The following PRKG1 variants were observed in gnomAD, a reference collection of about 807,000 sequenced individuals.
PRKG1 encodes the protein cGMP-dependent protein kinase 1.
Under a neutral mutation model 88.1 loss-of-function variants are expected in PRKG1, and 35 were observed. That is an observed-to-expected ratio of 0.40 (90% CI 0.30 to 0.53). The LOEUF (loss-of-function observed/expected upper bound fraction) is 0.53. Ranked by LOEUF, PRKG1 falls within the 20% of genes least tolerant of loss-of-function variation. PRKG1 has a pLI of 0.59. For synonymous variants in PRKG1, 303 were observed against 292.5 expected (o/e 1.04, Z -0.37); for missense variants, 540 against 839.8 (o/e 0.64, Z 4.41).
intron 3 of PRKG1, among the ~76,000 whole-genome samples, chr10:51,579,565 C>G (rs1337091580): frequency 6.6e-6 from 1 of 151,896 alleles, no homozygotes; most frequent in Non-Finnish European, 1.5e-5. Context: ...TTAATTATAC[C>G]ATATTTACCA....
At chr10:51,207,181 T>C (rs1214139961) in intron 2 of PRKG1, among the ~76,000 whole-genome samples, 1 of 152,204 alleles carries the variant, frequency 6.6e-6, no homozygotes, top group Non-Finnish European at 1.5e-5. Context: ...GGGATTATGT[T>C]CTACATCATT....
intron 2 of PRKG1, among the ~76,000 whole-genome samples, chr10:51,155,455 A>G (rs1846182710): frequency 6.6e-6 from 1 of 152,028 alleles, no homozygotes; most frequent in African/African-American, 2.4e-5. Flanking sequence ...AGATGAGGAG[A>G]CTGAAGCTTA....
At chr10:51,953,360 A>G (rs958205744) in intron 5 of PRKG1, among the ~76,000 whole-genome samples, 1 of 149,296 alleles carries the variant, frequency 6.7e-6, no homozygotes, top group Non-Finnish European at 1.5e-5. Flanking sequence ...AAAGTGTGAG[A>G]AACAAAATCA....
At chr10:51,244,335 A>C (rs974291421) in intron 2 of PRKG1, among the ~76,000 whole-genome samples, 1 of 125,314 alleles carries the variant, frequency 8.0e-6, no homozygotes, top group Admixed American at 8.4e-5. Flanking sequence ...TACCATTTAT[A>C]TTGTCAAGGT....
chr10:51,257,189 A>G (rs1839586194), intron 2 of PRKG1, among the ~76,000 whole-genome samples: 1 of 150,206 alleles, frequency 6.7e-6, no homozygotes, highest in Admixed American at 6.6e-5. Context: ...TTTTGAGAGA[A>G]GATGATTAGT....
intron 2 of PRKG1, chr10:51,244,830 G>A (rs1839246912): frequency 6.6e-6 from 1 of 151,248 alleles, no homozygotes; most frequent in South Asian, 2.1e-4. Context: ...TCAGCTGCTT[G>A]AGGTTACCTT....
Position 51,502,787 on chromosome 10 carries a change from G to A in PRKG1, c.592+34951G>A, listed in dbSNP as rs1841068191. On this transcript the variant is annotated intron_variant, in intron 3 of 17. Transcript: ENST00000373980. ...TTGAAATGATTAGTCAAGTCTAGAG[G>A]TCAGCGTTGAATTATGAATCTAAGT... 2.0e-5 allele frequency among the ~76,000 whole-genome samples: 3 copies of A among 152,130 alleles called. No individual in the cohort carries two copies. In the South Asian group the frequency reaches 6.2e-4, roughly 32 times the overall value.
intron 14 of PRKG1, among the ~76,000 whole-genome samples, chr10:52,282,762 A>G (rs1248448040): frequency 3.3e-5 from 5 of 152,132 alleles, no homozygotes; most frequent in Admixed American, 1.3e-4. Flanking sequence ...CATCAACTCA[A>G]ATAGGCACTA....
At chr10:51,213,418 T>C (rs1478343401) in intron 2 of PRKG1, among the ~76,000 whole-genome samples, 1 of 152,206 alleles carries the variant, frequency 6.6e-6, no homozygotes, top group Admixed American at 6.5e-5. Context: ...TATACATATG[T>C]AACAAACCTG....
At chr10:51,919,976 C>T (rs574629240) in intron 5 of PRKG1, among the ~76,000 whole-genome samples, 17 of 152,202 alleles carry the variant, frequency 1.1e-4, no homozygotes, top group African/African-American at 3.9e-4. Context: ...ACATGCTACC[C>T]GAGTGACCCA....
intron 1 of PRKG1, among the ~76,000 whole-genome samples, chr10:51,121,641 A>T (rs1564608474): frequency 6.6e-6 from 1 of 152,062 alleles, no homozygotes; most frequent in African/African-American, 2.4e-5. Context: ...AATTTTAAAG[A>T]TTTTTTCCAA....
chr10:51,144,518 T>C (rs1397798565), intron 1 of PRKG1, among the ~76,000 whole-genome samples: 1 of 152,140 alleles, frequency 6.6e-6, no homozygotes, highest in African/African-American at 2.4e-5. Flanking sequence ...TTAATAGTAG[T>C]AATACTACTA....
At chr10:51,240,293 A>AT (rs1435852232) in intron 2 of PRKG1, among the ~76,000 whole-genome samples, 2 of 152,110 alleles carry the variant, frequency 1.3e-5, no homozygotes, top group Admixed American at 6.6e-5. Context: ...TTGAATATCT[A>AT]TTTTCCTCTC....
intron 5 of PRKG1, among the ~76,000 whole-genome samples, chr10:52,009,357 G>A (rs564473283): frequency 6.6e-6 from 1 of 152,086 alleles, no homozygotes; most frequent in African/African-American, 2.4e-5. Flanking sequence ...CAAAAAATTA[G>A]TGTCATTCCT....
rs935233988 is a variant in PRKG1, at chr10:51,390,025, C to A, written c.479-77698C>A. The stretch of plus-strand genomic sequence containing the variant: ...GTCATCCCTCCCTAATTGCTTGATT[C>A]TAGCTAGAGCCAATGTGCTTGGTAA... On this transcript the variant is annotated intron_variant, in intron 2 of 17. Coordinates refer to ENST00000373980, the MANE Select transcript of PRKG1 (RefSeq NM_006258.4). Among the ~76,000 whole-genome samples, 6 of 152,194 alleles carry A rather than the reference C, an allele frequency of 3.9e-5. No individual in the cohort carries two copies. In the South Asian group the frequency reaches 1.2e-3, roughly 31 times the overall value.
At chr10:51,358,682 C>T (rs1409238249) in intron 2 of PRKG1, among the ~76,000 whole-genome samples, 1 of 151,770 alleles carries the variant, frequency 6.6e-6, no homozygotes, top group Non-Finnish European at 1.5e-5. Flanking sequence ...AAGATAATCA[C>T]CTGGGAGTCC....
intron 4 of PRKG1, among the ~76,000 whole-genome samples, chr10:51,878,066 C>G (rs1020701948): frequency 1.6e-4 from 25 of 152,086 alleles, no homozygotes; most frequent in African/African-American, 5.8e-4. Flanking sequence ...ACTAAGTTAA[C>G]ATAATTCAAT....
At chr10:51,925,097 G>T (rs887244496) in intron 5 of PRKG1, among the ~76,000 whole-genome samples, 1 of 151,000 alleles carries the variant, frequency 6.6e-6, no homozygotes, top group Non-Finnish European at 1.5e-5. Flanking sequence ...TAATTTGTTT[G>T]CTTTTATGTT....
intron 1 of PRKG1, among the ~76,000 whole-genome samples, chr10:51,137,362 T>C (rs1845714544): frequency 6.6e-6 from 1 of 152,104 alleles, no homozygotes; most frequent in Non-Finnish European, 1.5e-5. Context: ...TGACAGTAAA[T>C]ATACCAACAA....
Sources: allele counts gnomAD v4.1 joint callset (sites outside exome capture counted in the v4.1 genomes callset), GRCh38; gene constraint gnomAD v4.1.1; transcripts MANE v1.5; gene names NCBI Gene and HGNC (gene_info 2026-07-23, HGNC 2026-07-21).